ADGRF5: variants seen among roughly 807,000 people sequenced by gnomAD.
ADGRF5 encodes the protein G-protein coupled receptor 116.
Under a neutral mutation model 132.3 loss-of-function variants are expected in ADGRF5, and 75 were observed. The ratio of observed to expected loss-of-function variants is 0.57; its 90% CI spans 0.47 to 0.69. The LOEUF is 0.69. Among genes scored for constraint, ADGRF5 ranks in the 30% least tolerant of loss-of-function variants. The probability of loss-of-function intolerance (pLI) is 0.00; values close to 1 mark genes in which losing one functional copy is unlikely to be tolerated. For missense variants in ADGRF5, 1,516 were observed against 1,630.6 expected (o/e 0.93, Z 1.21); for synonymous variants, 629 against 597.6 (o/e 1.05, Z -0.77).
chr6:46,891,296 T>C (rs1773614810), intron 3 of ADGRF5, among the ~76,000 whole-genome samples: 1 of 152,236 alleles, frequency 6.6e-6, no homozygotes, highest in Admixed American at 6.5e-5. Context: ...CCTGGAAGAA[T>C]GGTTAATCTT....
At chr6:46,871,647 G>A (rs1001132547) in intron 11 of ADGRF5, among the ~76,000 whole-genome samples, 196 bp downstream of exon 11, 2 of 152,062 alleles carry the variant, frequency 1.3e-5, no homozygotes, top group Admixed American at 1.3e-4. Flanking sequence ...ATCCCCAATT[G>A]TTAAAAGACT....
chr6:46,875,574 C>G (rs1017772792), intron 10 of ADGRF5, among the ~76,000 whole-genome samples: 1 of 151,854 alleles, frequency 6.6e-6, no homozygotes, highest in Admixed American at 6.6e-5. Context: ...GTCAGGGGTT[C>G]GAGACCAGCC....
chr6:46,909,687 G>T (rs142560266), intron 1 of ADGRF5, among the ~76,000 whole-genome samples: 6 of 152,110 alleles, frequency 3.9e-5, no homozygotes, highest in Non-Finnish European at 8.8e-5. Flanking sequence ...AGAAACAACC[G>T]GTGCTGGCTG....
intron 1 of ADGRF5, among the ~76,000 whole-genome samples, chr6:46,918,107 G>A (rs12191082): frequency 0.13 from 19,667 of 152,240 alleles, 1,392 homozygotes; most frequent in Middle Eastern, 0.18. Context: ...AGGAAGCCGG[G>A]AAGATTCCAG....
At chr6:46,953,653 A>G (rs1242120784) in intron 1 of ADGRF5, among the ~76,000 whole-genome samples, 352 of 14,350 alleles carry the variant, frequency 0.025, 9 homozygotes, top group South Asian at 0.031. Context: ...ATATATGTGT[A>G]TATATATATA....
chr6:46,889,568 G>A (rs662605), intron 3 of ADGRF5, among the ~76,000 whole-genome samples: 32 of 77,812 alleles, frequency 4.1e-4, no homozygotes, highest in East Asian at 1.7e-3. Flanking sequence ...GTGTGTGTGT[G>A]TATATATATA....
At chr6:46,949,511 C>G (rs1778418590) in intron 1 of ADGRF5, among the ~76,000 whole-genome samples, 1 of 152,210 alleles carries the variant, frequency 6.6e-6, no homozygotes, top group African/African-American at 2.4e-5. Context: ...AAGGCAGTGG[C>G]CAGTGAACTT....
At chr6:46,861,443 TCTTA>T (rs1165583817) in intron 15 of ADGRF5, among the ~76,000 whole-genome samples, 1 of 152,218 alleles carries the variant, frequency 6.6e-6, no homozygotes, top group Non-Finnish European at 1.5e-5. Flanking sequence ...TCTAACTCTC[TCTTA>T]CTTAATCGTA....
At position 46,859,290 on chromosome 6, in the gene ADGRF5, A is replaced by G; in HGVS notation, c.2613T>C (p.Val871=). Reference sequence around the variant, plus strand: ...TGCCCCAGAGGTCAAAGTATGGGAAAACAAACCTCTGTTGATAGGTTTCTG... The same window carrying G: ...TGCCCCAGAGGTCAAAGTATGGGAAGACAAACCTCTGTTGATAGGTTTCTG... ...SHPETYQQRF[V]FPYFDLWGNV... is the part of the protein sequence containing the mutation. Residue 871 remains valine (V), a synonymous_variant, in exon 17 of 21, where the codon GTT becomes GTC. Transcript: ENST00000283296. The G allele has an allele frequency of 1.2e-6, 2 of 1,613,954 alleles. No homozygotes were observed. Among genetic ancestry groups the G allele is most frequent in the Non-Finnish European group, 1.7e-6 (2 of 1,179,876 alleles).
chr6:46,903,814 G>A (rs566944018), intron 2 of ADGRF5, among the ~76,000 whole-genome samples: 2 of 151,930 alleles, frequency 1.3e-5, no homozygotes, highest in African/African-American at 2.4e-5. Context: ...CCTAATACTA[G>A]AATATTAAAA....
At chr6:46,878,611 T>G (rs1772090057) in intron 9 of ADGRF5, among the ~76,000 whole-genome samples, 1 of 152,074 alleles carries the variant, frequency 6.6e-6, no homozygotes, top group Admixed American at 6.5e-5. Flanking sequence ...AGTACAGAGA[T>G]GTTCTAAGGA....
chr6:46,897,344 C>CT (rs1234108104), intron 3 of ADGRF5, among the ~76,000 whole-genome samples: 2 of 152,016 alleles, frequency 1.3e-5, no homozygotes, highest in African/African-American at 4.8e-5. Context: ...AAAAAAACTC[C>CT]TGACCTAATT....
At chr6:46,877,267 CTT>C (rs1455980699) in intron 10 of ADGRF5, among the ~76,000 whole-genome samples, 18 of 39,904 alleles carry the variant, frequency 4.5e-4, no homozygotes, top group South Asian at 6.2e-4. Context: ...TTCTTTCTTT[CTT>C]TCTTTCTTTC....
At chr6:46,944,771 T>G (rs117055406) in intron 1 of ADGRF5, among the ~76,000 whole-genome samples, 1 of 152,192 alleles carries the variant, frequency 6.6e-6, no homozygotes, top group African/African-American at 2.4e-5. Context: ...GCAGGGCACA[T>G]ACTTTATCTT....
upstream of ADGRF5, among the ~76,000 whole-genome samples, chr6:46,926,675 C>T (rs1320973926): frequency 1.3e-5 from 2 of 152,140 alleles, no homozygotes; most frequent in African/African-American, 4.8e-5. Flanking sequence ...TTCTGATGCC[C>T]ATGGTATGAA....
chr6:46,892,625 C>T (rs1215239087), intron 3 of ADGRF5, among the ~76,000 whole-genome samples: 1 of 152,018 alleles, frequency 6.6e-6, no homozygotes, highest in Non-Finnish European at 1.5e-5. Context: ...TGGCAGGCAC[C>T]TGTAATCCCA....
chr6:46,853,950 C>T lies in ADGRF5; in HGVS notation c.*42G>A. 7.5e-7 allele frequency: 1 copy of T among 1,341,644 alleles called. No homozygotes were observed. The highest frequency in any genetic ancestry group is 1.5e-5 in the African/African-American group (1 of 67,322). 83.1% of individuals were successfully genotyped at this position (1,341,644 alleles called of 1,614,324 possible). A position where few individuals can be genotyped will look rare whatever the true frequency, so the allele number is the denominator to read the frequency against. Reference sequence around the variant, plus strand: ...CAAGCATCTCTTTTTAAAAGCACAGCCACTGTCCCCGGGAGGTCACGTAGG... The same window carrying T: ...CAAGCATCTCTTTTTAAAAGCACAGTCACTGTCCCCGGGAGGTCACGTAGG... On this transcript the variant is annotated 3_prime_UTR_variant, in exon 21 of 21. Coordinates refer to ENST00000283296, the MANE Select transcript of ADGRF5 (RefSeq NM_001098518.2).
At chr6:46,856,205 A>T (rs544751911) in intron 19 of ADGRF5, 147 bp from the exon 20 acceptor site, 1 of 597,672 alleles carries the variant, frequency 1.7e-6, no homozygotes, top group African/African-American at 1.9e-5. Context: ...AAAATACTGG[A>T]ATCTTATCAT....
intron 1 of ADGRF5, among the ~76,000 whole-genome samples, chr6:46,943,336 T>C (rs1196842211): frequency 6.6e-6 from 1 of 152,234 alleles, no homozygotes; most frequent in Non-Finnish European, 1.5e-5. Context: ...TTTTAAATCT[T>C]ATACTTTTCC....
Sources: gnomAD v4.1 joint callset for allele counts (sites outside exome capture counted in the v4.1 genomes callset) on GRCh38, gnomAD v4.1.1 for gene constraint, MANE v1.5 for transcripts, NCBI Gene and HGNC (gene_info 2026-07-23, HGNC 2026-07-21) for gene names.